Variants in ST8SIA5 observed in about 807,000 individuals in gnomAD.
ST8SIA5 encodes the protein alpha-2,8-sialyltransferase 8E.
In ST8SIA5, 24 loss-of-function variants were observed where a neutral mutation model predicts 40.2. That is an observed-to-expected ratio of 0.60 (90% CI 0.43 to 0.84). ST8SIA5 has a LOEUF of 0.84. Ranked by LOEUF, ST8SIA5 falls within the 40% of genes least tolerant of loss-of-function variation. The pLI is 0.00. For missense variants in ST8SIA5, 465 were observed against 498.5 expected (o/e 0.93, Z 0.64); for synonymous variants, 198 against 201.8 (o/e 0.98, Z 0.16).
intron 1 of ST8SIA5, among the ~76,000 whole-genome samples, chr18:46,755,237 G>C (rs768702605): frequency 7.2e-5 from 11 of 152,182 alleles, no homozygotes; most frequent in Non-Finnish European, 1.6e-4. Context: ...TCCCACCTTC[G>C]TGGGCAGCCC....
rs1334488130 is a variant in ST8SIA5, at chr18:46,701,175, C to T, written c.224+3397G>A. ...TTTTTTTTTTAGGTGGTGTCTTGCT[C>T]TGTCAGTTATGCTGGAGTGCAATGG... On this transcript the variant is annotated intron_variant, in intron 2 of 6. Coordinates refer to ENST00000315087, the MANE Select transcript of ST8SIA5 (RefSeq NM_013305.6). Among the ~76,000 whole-genome samples the T allele has an allele frequency of 5.7e-5, 6 of 105,774 alleles. No individual in the cohort carries two copies. In the South Asian group the frequency reaches 2.1e-3, roughly 36 times the overall value. The allele number at this position is 105,774 out of a possible 152,430, so 69.4% of individuals were successfully genotyped here. A position where few individuals can be genotyped will look rare whatever the true frequency, so the allele number is the denominator to read the frequency against.
intron 1 of ST8SIA5, among the ~76,000 whole-genome samples, chr18:46,748,375 C>T (rs1446108292): frequency 6.6e-6 from 1 of 151,648 alleles, no homozygotes; most frequent in Non-Finnish European, 1.5e-5. Flanking sequence ...ACTAGTCTGG[C>T]CAACATGGTG....
intron 1 of ST8SIA5, chr18:46,730,184 G>C (rs2039972538): frequency 1.0e-6 from 1 of 985,024 alleles, no homozygotes; most frequent in Admixed American, 6.2e-5. Flanking sequence ...AGCTTCAATA[G>C]CCATCCAAGC....
At chr18:46,680,663 G>A (rs1212028595) in intron 6 of ST8SIA5, among the ~76,000 whole-genome samples, 153 bp from the exon 7 acceptor site, 1 of 152,230 alleles carries the variant, frequency 6.6e-6, no homozygotes, top group Non-Finnish European at 1.5e-5. Flanking sequence ...TGCAGATGAA[G>A]GTGAGAACTC....
chr18:46,726,899 G>A (rs1210413548), intron 1 of ST8SIA5, among the ~76,000 whole-genome samples: 1 of 152,096 alleles, frequency 6.6e-6, no homozygotes, highest in Non-Finnish European at 1.5e-5. Flanking sequence ...CAAACAGAGC[G>A]AGACTCCATC....
At position 46,704,479 on chromosome 18, in the gene ST8SIA5, T is replaced by C. The variant is rs571513135; in HGVS notation, c.224+93A>G. The C allele has an allele frequency of 2.4e-5, 27 of 1,131,204 alleles. No individual in the cohort carries two copies. In the East Asian group the frequency reaches 6.4e-4, roughly 27 times the overall value. The allele number at this position is 1,131,204 out of a possible 1,614,324, so 70.1% of individuals were successfully genotyped here. The stretch of plus-strand genomic sequence containing the variant: ...CTATAGGAACCTACCATGTGTTTCC[T>C]GTTTCCTTCCACCCTTGCCCCCACG... On this transcript the variant is annotated intron_variant, in intron 2 of 6. Transcript: ENST00000315087.
intron 3 of ST8SIA5, among the ~76,000 whole-genome samples, chr18:46,691,257 T>C (rs1037832964): frequency 3.3e-5 from 5 of 152,246 alleles, no homozygotes; most frequent in Admixed American, 1.3e-4. Flanking sequence ...ACTTTAAACA[T>C]TCGCATTTCT....
intron 1 of ST8SIA5, among the ~76,000 whole-genome samples, chr18:46,729,574 G>A (rs1205428714): frequency 2.0e-5 from 3 of 152,184 alleles, no homozygotes; most frequent in Non-Finnish European, 4.4e-5. Context: ...TGTTAGAGGT[G>A]TTGCCAGGCA....
At chr18:46,716,818 G>A (rs753711340) in intron 1 of ST8SIA5, among the ~76,000 whole-genome samples, 118 of 152,274 alleles carry the variant, frequency 7.7e-4, no homozygotes, top group Non-Finnish European at 1.4e-3. Flanking sequence ...GGGGGCAGAC[G>A]TATCTACAGA....
At chr18:46,743,630 G>C (rs2040108876) in intron 1 of ST8SIA5, among the ~76,000 whole-genome samples, 1 of 152,140 alleles carries the variant, frequency 6.6e-6, no homozygotes, top group African/African-American at 2.4e-5. Flanking sequence ...AACCAAGATG[G>C]GAAACAGTCT....
chr18:46,677,290 C>CAGGGTGCAGTTCCCTCCAT lies in ST8SIA5; in HGVS notation c.*2751_*2752insATGGAGGGAACTGCACCCT, dbSNP rs2039345545. The CAGGGTGCAGTTCCCTCCAT allele has an allele frequency of 1.6e-4, 1 of 6,214 alleles. No individual in the cohort carries two copies. The highest frequency in any genetic ancestry group is 5.1e-4 in the African/African-American group (1 of 1,942). 0.4% of individuals were successfully genotyped at this position (6,214 alleles called of 1,614,324 possible). A position where few individuals can be genotyped will look rare whatever the true frequency, so the allele number is the denominator to read the frequency against. ...GCACAGACTTTGGGGCTCTACAGAT[C>CAGGGTGCAGTTCCCTCCAT]TGGGTGCAGTTCCCTCCATTGGGTG... is the stretch of plus-strand genomic sequence containing the variant. On this transcript the variant is annotated 3_prime_UTR_variant, in exon 7 of 7. Coordinates refer to ENST00000315087, the MANE Select transcript of ST8SIA5 (RefSeq NM_013305.6).
intron 1 of ST8SIA5, among the ~76,000 whole-genome samples, chr18:46,737,857 A>G (rs1433164844): frequency 2.0e-5 from 3 of 151,458 alleles, no homozygotes; most frequent in Non-Finnish European, 4.4e-5. Context: ...TGCAACCTCT[A>G]CCTCCCAGGT....
In ST8SIA5 at chr18:46,725,972, A is replaced by AAATATATATATAT. The variant is rs59660372; in HGVS notation, c.132-21309_132-21308insATATATATATATT. Among the ~76,000 whole-genome samples the AAATATATATATAT allele has an allele frequency of 2.8e-4, 8 of 29,054 alleles. 1 individual carries two copies. The highest frequency in any genetic ancestry group is 4.5e-4 in the Admixed American group (1 of 2,208). 19.1% of individuals were successfully genotyped at this position (29,054 alleles called of 152,430 possible). ...CCCATCTCTACTTAAAAAAAAAAAAAATATATATATATATATATATATATA... is the reference window on the plus strand; with the variant it reads ...CCCATCTCTACTTAAAAAAAAAAAAAAATATATATATATATATATATATATATATATATATATA... On this transcript the variant is annotated intron_variant, in intron 1 of 6. Transcript: ENST00000315087.
chr18:46,683,160 A>G (rs1410913331), intron 5 of ST8SIA5, among the ~76,000 whole-genome samples: 1 of 152,206 alleles, frequency 6.6e-6, no homozygotes, highest in African/African-American at 2.4e-5. Context: ...TAAGTACTCA[A>G]TTCAAGGTAG....
intron 1 of ST8SIA5, among the ~76,000 whole-genome samples, chr18:46,749,496 G>A (rs1354532846): frequency 6.6e-6 from 1 of 151,912 alleles, no homozygotes; most frequent in Non-Finnish European, 1.5e-5. Context: ...CATATATTAA[G>A]GTATAATGGT....
chr18:46,756,759 A>C lies in ST8SIA5; in HGVS notation c.-251T>G. 2.3e-6 allele frequency: 1 copy of C among 431,456 alleles called. No homozygotes were observed. Among genetic ancestry groups the C allele is most frequent in the Non-Finnish European group, 4.1e-6 (1 of 246,790 alleles). 26.7% of individuals were successfully genotyped at this position (431,456 alleles called of 1,614,324 possible). A position where few individuals can be genotyped will look rare whatever the true frequency, so the allele number is the denominator to read the frequency against. Reference sequence around the variant, plus strand: ...TCTGCCGCGGCCAGGGGCCTTCCCCACCCCCGGGTACCTTTACCTCCAGGC... The same window carrying C: ...TCTGCCGCGGCCAGGGGCCTTCCCCCCCCCCGGGTACCTTTACCTCCAGGC... On this transcript the variant is annotated 5_prime_UTR_variant, in exon 1 of 7. Transcript: ENST00000315087.
intron 5 of ST8SIA5, among the ~76,000 whole-genome samples, chr18:46,682,567 G>A (rs2039408151): frequency 6.6e-6 from 1 of 152,244 alleles, no homozygotes; most frequent in Non-Finnish European, 1.5e-5. Context: ...GCCACCATTT[G>A]TAGAAAGCCC....
chr18:46,728,549 A>G (rs1216635372), intron 1 of ST8SIA5, among the ~76,000 whole-genome samples: 1 of 152,188 alleles, frequency 6.6e-6, no homozygotes, highest in Admixed American at 6.5e-5. Flanking sequence ...TCCCCAAAGA[A>G]GCCCCACCCC....
At chr18:46,712,918 G>A (rs1408556133) in intron 1 of ST8SIA5, among the ~76,000 whole-genome samples, 1 of 152,250 alleles carries the variant, frequency 6.6e-6, no homozygotes, top group African/African-American at 2.4e-5. Context: ...CATGAATAGA[G>A]GCATGGAGCC....
Sources: gnomAD v4.1 joint callset for allele counts (sites outside exome capture counted in the v4.1 genomes callset) on GRCh38, gnomAD v4.1.1 for gene constraint, MANE v1.5 for transcripts, NCBI Gene and HGNC (gene_info 2026-07-23, HGNC 2026-07-21) for gene names.